CA10: variants seen among roughly 807,000 people sequenced by gnomAD.
CA10 encodes carbonic anhydrase-related protein 10.
In CA10, 14 loss-of-function variants were observed where a neutral mutation model predicts 44.2. The observed-to-expected ratio is 0.32, with a 90% CI of 0.21 to 0.50. CA10 has a LOEUF of 0.50. Among genes scored for constraint, CA10 ranks in the 20% least tolerant of loss-of-function variants. The probability of loss-of-function intolerance (pLI) is 0.99; values close to 1 mark genes in which losing one functional copy is unlikely to be tolerated. For missense variants in CA10, 350 were observed against 409.7 expected (o/e 0.85, Z 1.26); for synonymous variants, 159 against 141.6 (o/e 1.12, Z -0.87).
intron 2 of CA10, among the ~76,000 whole-genome samples, chr17:51,977,625 A>G (rs1433869230): frequency 6.6e-6 from 1 of 152,140 alleles, no homozygotes; most frequent in East Asian, 1.9e-4. Flanking sequence ...TCTGAGATCT[A>G]GAAAAAGACA....
chr17:51,707,460 T>C (rs1915795828), intron 4 of CA10, among the ~76,000 whole-genome samples: 1 of 152,148 alleles, frequency 6.6e-6, no homozygotes, highest in Admixed American at 6.5e-5. Flanking sequence ...GAATTAGCTC[T>C]CACAGGTTGC....
chr17:51,918,003 C>T (rs925020057), intron 3 of CA10, among the ~76,000 whole-genome samples: 18 of 152,146 alleles, frequency 1.2e-4, no homozygotes, highest in African/African-American at 4.3e-4. Flanking sequence ...AGCTCTAAAC[C>T]TATGCTTAGA....
intron 3 of CA10, among the ~76,000 whole-genome samples, chr17:51,834,171 C>T (rs1210628456): frequency 1.3e-5 from 2 of 152,144 alleles, no homozygotes; most frequent in Admixed American, 6.5e-5. Context: ...CTATAGAGCA[C>T]AACTTAATCA....
At chr17:51,847,350 T>C (rs1034550994) in intron 3 of CA10, among the ~76,000 whole-genome samples, 2 of 152,142 alleles carry the variant, frequency 1.3e-5, no homozygotes, top group African/African-American at 4.8e-5. Flanking sequence ...TTAAAGTTTG[T>C]CTCATTGCAG....
chr17:52,036,502 A>G (rs1045187127), intron 2 of CA10, among the ~76,000 whole-genome samples: 11 of 152,284 alleles, frequency 7.2e-5, no homozygotes, highest in African/African-American at 2.4e-4. Flanking sequence ...AGGAGGGGCC[A>G]CCTGGAGTAT....
intron 3 of CA10, among the ~76,000 whole-genome samples, chr17:51,845,471 C>T (rs992872646): frequency 6.6e-6 from 1 of 152,276 alleles, no homozygotes; most frequent in South Asian, 2.1e-4. Context: ...TGAGCCAGAA[C>T]CCCAGTGAAG....
At chr17:51,640,146 A>G (rs1419121789) in intron 6 of CA10, among the ~76,000 whole-genome samples, 1 of 152,204 alleles carries the variant, frequency 6.6e-6, no homozygotes, top group Non-Finnish European at 1.5e-5. Flanking sequence ...TGCATCTTGT[A>G]TCTCTAAGCC....
chr17:51,868,851 GAAAGAAATTCAAGTTA>G (rs1253108859), intron 3 of CA10, among the ~76,000 whole-genome samples: 8 of 150,734 alleles, frequency 5.3e-5, no homozygotes, highest in African/African-American at 1.7e-4. Context: ...AATCTTTTAA[GAAAGAAATTCAAGTTA>G]GCTATGAAGC....
chr17:52,124,808 T>C (rs1419548803), intron 1 of CA10, among the ~76,000 whole-genome samples: 2 of 152,182 alleles, frequency 1.3e-5, no homozygotes, highest in Non-Finnish European at 2.9e-5. Flanking sequence ...CTTAGGAATC[T>C]TTCTCACTGA....
intron 4 of CA10, among the ~76,000 whole-genome samples, chr17:51,680,588 T>C (rs373127719): frequency 1.3e-5 from 2 of 152,292 alleles, no homozygotes; most frequent in East Asian, 3.9e-4. Context: ...AGGGAGTGTT[T>C]GGAAACATCT....
At chr17:52,040,747 A>G (rs1461440467) in intron 2 of CA10, among the ~76,000 whole-genome samples, 1 of 152,086 alleles carries the variant, frequency 6.6e-6, no homozygotes, top group Non-Finnish European at 1.5e-5. Context: ...GAGTTCGGAG[A>G]GACCAAGGCA....
At chr17:51,867,108 C>T (rs888133006) in intron 3 of CA10, among the ~76,000 whole-genome samples, 8 of 152,014 alleles carry the variant, frequency 5.3e-5, no homozygotes, top group African/African-American at 1.9e-4. Context: ...TAAATTGAGA[C>T]TACTGCCCAT....
chr17:51,913,050 G>T (rs1314632289), intron 3 of CA10, among the ~76,000 whole-genome samples: 1 of 152,166 alleles, frequency 6.6e-6, no homozygotes, highest in African/African-American at 2.4e-5. Context: ...AGAAGCTAAG[G>T]GGCAGTGTGG....
At chr17:51,888,982 A>G (rs1980734022) in intron 3 of CA10, among the ~76,000 whole-genome samples, 1 of 152,106 alleles carries the variant, frequency 6.6e-6, no homozygotes, top group Non-Finnish European at 1.5e-5. Flanking sequence ...GCTCACTTTC[A>G]AGGCTGACAG....
chr17:51,942,029 C>T (rs1442444113), intron 2 of CA10, among the ~76,000 whole-genome samples: 1 of 152,100 alleles, frequency 6.6e-6, no homozygotes, highest in South Asian at 2.1e-4. Flanking sequence ...ATTGCAAACC[C>T]TACCACATAT....
intron 2 of CA10, among the ~76,000 whole-genome samples, chr17:52,001,515 G>A (rs141994575): frequency 1.4e-4 from 22 of 152,024 alleles, no homozygotes; most frequent in South Asian, 4.1e-4. Context: ...ATTCTCTGCC[G>A]TTGCTGTTGC....
chr17:51,923,122 C>T (rs1443686536), intron 3 of CA10, among the ~76,000 whole-genome samples: 1 of 152,122 alleles, frequency 6.6e-6, no homozygotes, highest in South Asian at 2.1e-4. Flanking sequence ...TGTAAAAAGA[C>T]CTTTGGTGCT....
At chr17:51,887,628 A>G (rs1980668241) in intron 3 of CA10, among the ~76,000 whole-genome samples, 1 of 152,134 alleles carries the variant, frequency 6.6e-6, no homozygotes, top group South Asian at 2.1e-4. Context: ...TGCGAACAAC[A>G]TCACCACTTG....
At chr17:51,861,082 T>C (rs1979283093) in intron 3 of CA10, among the ~76,000 whole-genome samples, 1 of 152,182 alleles carries the variant, frequency 6.6e-6, no homozygotes. Flanking sequence ...GTGCTGGGAC[T>C]AAGGACTAGC....
Sources: allele counts gnomAD v4.1 joint callset (sites outside exome capture counted in the v4.1 genomes callset), GRCh38; gene constraint gnomAD v4.1.1; transcripts MANE v1.5; gene names NCBI Gene and HGNC (gene_info 2026-07-23, HGNC 2026-07-21).